SV2C: variants seen among roughly 807,000 people sequenced by gnomAD.
The protein encoded by SV2C is synaptic vesicle glycoprotein 2C.
SV2C carries 49 observed loss-of-function variants against 79.7 expected under a neutral mutation model. The ratio of observed to expected loss-of-function variants is 0.61; its 90% CI spans 0.49 to 0.78. The LOEUF (loss-of-function observed/expected upper bound fraction) is 0.78, where lower values mean the gene tolerates loss of function less well. Ranked by LOEUF, SV2C falls within the 30% of genes least tolerant of loss-of-function variation. The pLI, the probability that SV2C is intolerant of heterozygous loss-of-function variation, is 0.00. For missense variants in SV2C, 833 were observed against 912.9 expected, an observed-to-expected ratio of 0.91 and a Z score of 1.13; for synonymous variants, 334 against 333.2, an observed-to-expected ratio of 1.00 and a Z score of -0.03.
chr5:75,926,074 G>T, the SV2C span, among the ~76,000 whole-genome samples: 1 of 152,128 alleles, frequency 6.6e-6, no homozygotes, highest in African/African-American at 2.4e-5. Flanking sequence ...ACTTAACTGC[G>T]GTTGATAGAA....
chr5:76,080,485 C>T (rs964408477), upstream of SV2C, among the ~76,000 whole-genome samples: 2 of 152,096 alleles, frequency 1.3e-5, no homozygotes, highest in Non-Finnish European at 2.9e-5. Flanking sequence ...GAAAACCTTG[C>T]CCTGACTACT....
intron 12 of SV2C, among the ~76,000 whole-genome samples, chr5:76,340,243 A>G (rs1415183506): frequency 6.6e-6 from 1 of 152,106 alleles, no homozygotes; most frequent in African/African-American, 2.4e-5. Context: ...TGAATAATCC[A>G]CCCCTTGTTT....
chr5:75,971,980 A>G, the SV2C span, among the ~76,000 whole-genome samples: 1 of 152,132 alleles, frequency 6.6e-6, no homozygotes. Flanking sequence ...AAACAGAGAT[A>G]CAGACTAATG....
At chr5:76,183,138 G>A (rs1743804880) in intron 2 of SV2C, among the ~76,000 whole-genome samples, 1 of 146,330 alleles carries the variant, frequency 6.8e-6, no homozygotes, top group South Asian at 2.2e-4. Context: ...CCAGGTTCAA[G>A]CAAGCCTCCT....
At chr5:75,964,616 C>T in the SV2C span, among the ~76,000 whole-genome samples, 1 of 152,108 alleles carries the variant, frequency 6.6e-6, no homozygotes, top group Non-Finnish European at 1.5e-5. Context: ...CTCTGGGCAT[C>T]CCCCTCCATC....
At chr5:76,251,824 A>AC (rs2112440215) in intron 4 of SV2C, among the ~76,000 whole-genome samples, 1 of 152,326 alleles carries the variant, frequency 6.6e-6, no homozygotes, top group South Asian at 2.1e-4. Context: ...CCAGGGACTG[A>AC]CATCACTTAT....
At chr5:76,108,211 A>C (rs963209162) in intron 1 of SV2C, among the ~76,000 whole-genome samples, 2 of 152,302 alleles carry the variant, frequency 1.3e-5, no homozygotes, top group Non-Finnish European at 2.9e-5. Context: ...ATTTTTTTGG[A>C]GTATTTAGAA....
At chr5:75,977,573 A>T in the SV2C span, among the ~76,000 whole-genome samples, 2 of 152,170 alleles carry the variant, frequency 1.3e-5, no homozygotes, top group Non-Finnish European at 2.9e-5. Flanking sequence ...CCAAGAAACC[A>T]CTGGAGGCTC....
At chr5:76,277,527 A>G (rs746864868) in intron 4 of SV2C, among the ~76,000 whole-genome samples, 6 of 152,212 alleles carry the variant, frequency 3.9e-5, no homozygotes, top group Non-Finnish European at 8.8e-5. Context: ...TAACCTCAGC[A>G]TTTTGAGAGG....
chr5:76,066,262 G>A, the SV2C span, among the ~76,000 whole-genome samples: 1 of 151,938 alleles, frequency 6.6e-6, no homozygotes, highest in Non-Finnish European at 1.5e-5. Flanking sequence ...GGAATACTAT[G>A]CAGCCATAAA....
rs754523861 is a variant in SV2C, at chr5:76,209,751, A to G, written c.777A>G (p.Ile259Met). The G allele has an allele frequency of 2.5e-6, 4 of 1,613,954 alleles. No individual in the cohort carries two copies. The highest frequency in any genetic ancestry group is 1.7e-5 in the Admixed American group (1 of 59,998). The change falls in exon 4 of 13, where the codon ATA (isoleucine) becomes ATG (methionine). Residue 259 changes from isoleucine to methionine, a missense_variant. Physicochemically the swap from Ile to Met is conservative, Grantham distance 10. Transcript: ENST00000502798. Reference sequence around the variant, plus strand: ...CTCTTGGCAGGATTGGAGGAGCCATACCCACTGTGTTCTCGTACTTTGCTG... The same window carrying G: ...CTCTTGGCAGGATTGGAGGAGCCATGCCCACTGTGTTCTCGTACTTTGCTG... ...LLSGFGIGGA[I>M]PTVFSYFAEV...
the SV2C span, among the ~76,000 whole-genome samples, chr5:76,020,307 C>G: frequency 6.6e-6 from 1 of 152,142 alleles, no homozygotes; most frequent in Non-Finnish European, 1.5e-5. Flanking sequence ...GCACAAGATA[C>G]TCTACAAATG....
chr5:76,205,203 A>C (rs760890613), intron 3 of SV2C, among the ~76,000 whole-genome samples: 1 of 151,736 alleles, frequency 6.6e-6, no homozygotes, highest in African/African-American at 2.4e-5. Context: ...TTGCCTGTGC[A>C]TTGGGGAGAT....
At chr5:76,342,943 C>T (rs973143789) in intron 12 of SV2C, among the ~76,000 whole-genome samples, 2 of 148,874 alleles carry the variant, frequency 1.3e-5, no homozygotes, top group South Asian at 2.1e-4. Flanking sequence ...AGGCTGGTCT[C>T]GAACTCCTGA....
At chr5:75,879,883 C>A in the SV2C span, among the ~76,000 whole-genome samples, 8 of 152,204 alleles carry the variant, frequency 5.3e-5, no homozygotes, top group East Asian at 3.9e-4. Flanking sequence ...TTTTGATACA[C>A]CCTCTGAAAT....
chr5:76,017,254 A>G, the SV2C span, among the ~76,000 whole-genome samples: 2 of 152,130 alleles, frequency 1.3e-5, no homozygotes, highest in African/African-American at 4.8e-5. Flanking sequence ...TATTAATAAT[A>G]ATGGTTTAAT....
chr5:76,145,983 CCA>C (rs1157004367), intron 2 of SV2C, among the ~76,000 whole-genome samples: 1 of 152,112 alleles, frequency 6.6e-6, no homozygotes, highest in African/African-American at 2.4e-5. Context: ...TATATTTCTA[CCA>C]CACACACAAA....
At chr5:75,921,395 A>G in the SV2C span, 3 of 840,238 alleles carry the variant, frequency 3.6e-6, no homozygotes, top group African/African-American at 1.7e-5. Flanking sequence ...CCCTGGGTCA[A>G]ACTGCGCTTG....
At chr5:75,926,448 G>A in the SV2C span, among the ~76,000 whole-genome samples, 1 of 152,188 alleles carries the variant, frequency 6.6e-6, no homozygotes, top group Non-Finnish European at 1.5e-5. Flanking sequence ...GGTTCAAAGA[G>A]TGATACCCAA....
Sources: allele counts gnomAD v4.1 joint callset (sites outside exome capture counted in the v4.1 genomes callset), GRCh38; gene constraint gnomAD v4.1.1; transcripts MANE v1.5; gene names NCBI Gene and HGNC (gene_info 2026-07-23, HGNC 2026-07-21).